The following MEF2C variants were observed in gnomAD, a reference collection of about 807,000 sequenced individuals.
MEF2C encodes myocyte-specific enhancer factor 2C.
A neutral mutation model predicts 50.5 loss-of-function variants in MEF2C; 6 were observed. That is an observed-to-expected ratio of 0.12 (90% CI 0.07 to 0.23). The LOEUF (loss-of-function observed/expected upper bound fraction) is 0.23. Ranked by LOEUF, MEF2C falls within the 10% of genes least tolerant of loss-of-function variation. MEF2C has a pLI of 1.00. For missense variants in MEF2C, 276 were observed against 605.0 expected (o/e 0.46, Z 5.70); for synonymous variants, 183 against 228.0 (o/e 0.80, Z 1.78).
intron 6 of MEF2C, chr5:88,742,950 A>G (rs1210023016): frequency 8.2e-6 from 8 of 973,880 alleles, no homozygotes; most frequent in Non-Finnish European, 9.8e-6. Flanking sequence ...TTGTTACTTA[A>G]TTTCATAAAT....
chr5:88,876,406 T>C (rs1831082727), intron 1 of MEF2C, among the ~76,000 whole-genome samples: 1 of 152,026 alleles, frequency 6.6e-6, no homozygotes, highest in Admixed American at 6.6e-5. Context: ...AATAATCATA[T>C]CTTAAAATTA....
chr5:88,749,023 A>G (rs1183018379), intron 6 of MEF2C, 47 bp downstream of exon 6: 1 of 1,553,650 alleles, frequency 6.4e-7, no homozygotes, highest in Admixed American at 2.0e-5. Context: ...ACCTAGTAGA[A>G]GAACTCAGAA....
Position 88,720,247 on chromosome 5 carries a change from G to C in MEF2C, c.*2357C>G, listed in dbSNP as rs1342254969. ...GTGTATGAGTGTGTATATTTTCAGG[G>C]ATGTTTTTGTTTTTCCTCTGCATAA... is the stretch of plus-strand genomic sequence containing the variant. On this transcript the variant is annotated 3_prime_UTR_variant, in exon 11 of 11. Transcript: ENST00000504921. 1 of 152,048 alleles carries C rather than the reference G, an allele frequency of 6.6e-6. No individual in the cohort carries two copies. Among genetic ancestry groups the C allele is most frequent in the African/African-American group, 2.4e-5 (1 of 41,350 alleles). The allele number at this position is 152,048 out of a possible 1,614,324, so 9.4% of individuals were successfully genotyped here. A position where few individuals can be genotyped will look rare whatever the true frequency, so the allele number is the denominator to read the frequency against.
chr5:88,730,325 C>G (rs188581854), intron 7 of MEF2C, 91 bp from the exon 8 acceptor site: 2 of 1,346,830 alleles, frequency 1.5e-6, no homozygotes, highest in African/African-American at 1.5e-5. Flanking sequence ...AAGCATCTTC[C>G]GATAGACACA....
At chr5:88,863,356 T>A (rs304145) in intron 1 of MEF2C, among the ~76,000 whole-genome samples, 124,550 of 152,226 alleles carry the variant, frequency 0.82, 51,200 homozygotes, top group African/African-American at 0.91. Flanking sequence ...TTGACTGATG[T>A]GTTAATAAAT....
intron 1 of MEF2C, among the ~76,000 whole-genome samples, chr5:88,869,193 C>T (rs1283037966): frequency 3.4e-5 from 5 of 147,032 alleles, no homozygotes; most frequent in Admixed American, 2.1e-4. Flanking sequence ...TTCACAATCA[C>T]GTTATGTCTT....
chr5:88,878,009 CAT>C (rs537043772), intron 1 of MEF2C: 3 of 152,120 alleles, frequency 2.0e-5, no homozygotes, highest in South Asian at 4.1e-4. Context: ...CCCCTTTCTA[CAT>C]GTTTGCTTCC....
chr5:88,772,701 T>C, intron 3 of MEF2C: 1 of 981,316 alleles, frequency 1.0e-6, no homozygotes, highest in East Asian at 1.1e-4. Context: ...CATTCAAATC[T>C]TTTTAAAATT....
chr5:88,880,183 T>C (rs916614277), intron 1 of MEF2C, among the ~76,000 whole-genome samples: 5 of 152,152 alleles, frequency 3.3e-5, no homozygotes, highest in African/African-American at 9.7e-5. Context: ...CACATTAGTA[T>C]AGAATGAATA....
intron 1 of MEF2C, among the ~76,000 whole-genome samples, chr5:88,855,330 T>C (rs888515167): frequency 5.9e-5 from 9 of 152,314 alleles, no homozygotes; most frequent in Admixed American, 3.3e-4. Context: ...AAAAGCATCA[T>C]TACATTTTTT....
chr5:88,736,747 A>G (rs931907717), intron 6 of MEF2C: 2 of 985,400 alleles, frequency 2.0e-6, no homozygotes, highest in African/African-American at 3.5e-5. Context: ...CAGTTGAGTC[A>G]GTGCCCTGCC....
chr5:88,817,391 T>C (rs936972912), intron 2 of MEF2C, among the ~76,000 whole-genome samples: 1 of 151,880 alleles, frequency 6.6e-6, no homozygotes, highest in Non-Finnish European at 1.5e-5. Context: ...ATGTAGAAAC[T>C]GTCAGAAGCT....
chr5:88,792,588 A>G (rs1450976953), intron 3 of MEF2C, among the ~76,000 whole-genome samples: 1 of 152,208 alleles, frequency 6.6e-6, no homozygotes, highest in Non-Finnish European at 1.5e-5. Context: ...GTGCTGTCTC[A>G]TAGAGCTTTC....
intron 2 of MEF2C, among the ~76,000 whole-genome samples, chr5:88,818,585 A>G (rs1018506052): frequency 2.0e-5 from 3 of 152,140 alleles, no homozygotes; most frequent in East Asian, 3.9e-4. Flanking sequence ...TCCCACAAGC[A>G]TAACATTTAG....
intron 4 of MEF2C, chr5:88,760,966 G>T (rs1777576484): frequency 6.3e-7 from 1 of 1,598,620 alleles, no homozygotes; most frequent in East Asian, 2.2e-5. Flanking sequence ...CAGCAGACCA[G>T]CCATCTACCT....
rs137871697 is a variant in MEF2C at position 88,890,931 on chromosome 5, T to C, written c.-239-3333A>G. ...TAAGGTCCCCTAACAGGGTCCAGTA[T>C]ACTTTGTGCCAGACAAGGACATCTT... is the stretch of plus-strand genomic sequence containing the variant. On this transcript the variant is annotated intron_variant, in intron 1 of 11. Coordinates refer to the MEF2C transcript ENST00000340208. Among the ~76,000 whole-genome samples, 1,270 of 152,312 alleles carry C rather than the reference T, an allele frequency of 8.3e-3. 13 individuals carry two copies. Among genetic ancestry groups the C allele is most frequent in the African/African-American group, 0.027 (1,140 of 41,564 alleles).
intron 1 of MEF2C, among the ~76,000 whole-genome samples, chr5:88,865,021 G>A (rs904317566): frequency 6.6e-6 from 1 of 151,784 alleles, no homozygotes; most frequent in African/African-American, 2.4e-5. Context: ...ACCTGCCTCC[G>A]AAAGTGCTGG....
chr5:88,890,775 G>A (rs905836239), intron 1 of MEF2C, among the ~76,000 whole-genome samples: 1 of 152,218 alleles, frequency 6.6e-6, no homozygotes, highest in African/African-American at 2.4e-5. Context: ...CAGACTTTCA[G>A]TATCTTCCTG....
At chr5:88,756,241 T>C (rs1203710156) in intron 4 of MEF2C, among the ~76,000 whole-genome samples, 1 of 152,206 alleles carries the variant, frequency 6.6e-6, no homozygotes, top group Non-Finnish European at 1.5e-5. Flanking sequence ...GGATTTCTAG[T>C]GTACCCATTA....
Sources: allele counts gnomAD v4.1 joint callset (sites outside exome capture counted in the v4.1 genomes callset), GRCh38; gene constraint gnomAD v4.1.1; transcripts MANE v1.5; gene names NCBI Gene and HGNC (gene_info 2026-07-23, HGNC 2026-07-21).